The following ISX variants were observed in gnomAD, a reference collection of about 807,000 sequenced individuals.
ISX encodes intestine-specific homeobox.
Under a neutral mutation model 16.9 loss-of-function variants are expected in ISX, and 15 were observed. The ratio of observed to expected loss-of-function variants is 0.89; its 90% CI spans 0.59 to 1.36. The LOEUF (loss-of-function observed/expected upper bound fraction) is 1.36. Among genes scored for constraint, ISX ranks in the 40% most tolerant of loss-of-function variants. ISX has a pLI of 0.00. For synonymous variants in ISX, 125 were observed against 119.7 expected (o/e 1.04, Z -0.29); for missense variants, 316 against 306.1 (o/e 1.03, Z -0.24).
chr22:35,082,698 C>T, intron 3 of ISX, 29 bp downstream of exon 3: 2 of 1,611,816 alleles, frequency 1.2e-6, no homozygotes, highest in Non-Finnish European at 1.7e-6. Flanking sequence ...CAGCCCCCAG[C>T]CTCCATGCCC....
intron 2 of ISX, among the ~76,000 whole-genome samples, chr22:35,080,991 C>T (rs191619114): frequency 5.5e-4 from 83 of 152,290 alleles, no homozygotes; most frequent in East Asian, 3.7e-3. Context: ...TTTTCTGCAA[C>T]GCACTGCCTA....
chr22:35,066,982 T>C lies in ISX; in HGVS notation c.-106T>C. 1 of 740,500 alleles carries C rather than the reference T, an allele frequency of 1.4e-6. No individual in the cohort carries two copies. The highest frequency in any genetic ancestry group is 2.2e-6 in the Non-Finnish European group (1 of 446,708). The allele number at this position is 740,500 out of a possible 1,614,324, so 45.9% of individuals were successfully genotyped here. On this transcript the variant is annotated 5_prime_UTR_variant, in exon 2 of 5. Coordinates refer to ENST00000404699, the MANE Select transcript of ISX (RefSeq NM_001303508.2). ...TCATCTAACTGGAGGCTCTCTGTTC[T>C]TCACCTCCACGCGCCCTCTTGACCC...
intron 2 of ISX, among the ~76,000 whole-genome samples, chr22:35,070,271 G>C (rs361598): frequency 1.3e-5 from 2 of 152,008 alleles, no homozygotes; most frequent in Non-Finnish European, 2.9e-5. Context: ...GAAAATCCAA[G>C]AGGACTTCTT....
chr22:35,082,416 G>T lies in ISX; in HGVS notation c.230-102G>T, dbSNP rs115602661. ...TCAAGAAGCCAGGGGCCAAGGCTCG[G>T]GAGCAGCAGTGGGGTGGAAGGGTAG... On this transcript the variant is annotated intron_variant, in intron 2 of 4. Coordinates refer to ENST00000404699, the MANE Select transcript of ISX (RefSeq NM_001303508.2). The T allele has an allele frequency of 5.2e-6, 6 of 1,144,634 alleles. No individual in the cohort carries two copies. In the African/African-American group the frequency reaches 9.2e-5, roughly 18 times the overall value. 70.9% of individuals were successfully genotyped at this position (1,144,634 alleles called of 1,614,324 possible).
rs559730650 is a variant in ISX, at chr22:35,066,994, C to T, written c.-94C>T. 9.5e-5 allele frequency: 80 copies of T among 840,304 alleles called. No homozygotes were observed. Among genetic ancestry groups the T allele is most frequent in the South Asian group, 3.9e-4 (23 of 58,710 alleles). The allele number at this position is 840,304 out of a possible 1,614,324, so 52.1% of individuals were successfully genotyped here. On this transcript the variant is annotated 5_prime_UTR_variant, in exon 2 of 5. Coordinates refer to ENST00000404699, the MANE Select transcript of ISX (RefSeq NM_001303508.2). ...AGGCTCTCTGTTCTTCACCTCCACG[C>T]GCCCTCTTGACCCCAGGAGGTTCAG... is the stretch of plus-strand genomic sequence containing the variant.
At chr22:35,067,923 G>C (rs1281178167) in intron 2 of ISX, among the ~76,000 whole-genome samples, 2 of 152,188 alleles carry the variant, frequency 1.3e-5, no homozygotes, top group Non-Finnish European at 2.9e-5. Flanking sequence ...CCACCCCAAG[G>C]CATGTCCCCA....
At chr22:35,071,952 G>A (rs560922412) in intron 2 of ISX, among the ~76,000 whole-genome samples, 2 of 152,320 alleles carry the variant, frequency 1.3e-5, no homozygotes, top group East Asian at 3.9e-4. Flanking sequence ...GGCAGCCCTG[G>A]TTTGAGGCTG....
At chr22:35,067,923 G>T (rs1281178167) in intron 2 of ISX, among the ~76,000 whole-genome samples, 1 of 152,188 alleles carries the variant, frequency 6.6e-6, no homozygotes, top group South Asian at 2.1e-4. Context: ...CCACCCCAAG[G>T]CATGTCCCCA....
chr22:35,084,409 G>A lies in ISX; in HGVS notation c.408G>A (p.Lys136=), dbSNP rs952580129. 16 of 1,613,976 alleles carry A rather than the reference G, an allele frequency of 9.9e-6. No individual in the cohort carries two copies. The highest frequency in any genetic ancestry group is 5.0e-5 in the Admixed American group (3 of 60,000). Residue 136 remains lysine (K), a synonymous_variant, in exon 4 of 5, where the codon AAG becomes AAA. Transcript: ENST00000404699. The part of the protein sequence containing the change: ...VQIWFQNQRA[K]WRKQEKIGNL... ...TCTGGTTCCAGAATCAGCGAGCCAA[G>A]TGGCGGAAGCAGGAGAAGATTGGCA... is the stretch of plus-strand genomic sequence containing the variant.
intron 2 of ISX, among the ~76,000 whole-genome samples, chr22:35,079,164 T>G (rs1929062919): frequency 6.6e-6 from 1 of 152,210 alleles, no homozygotes; most frequent in South Asian, 2.1e-4. Context: ...TGAAATCTAT[T>G]TTTCACTGAG....
At chr22:35,078,467 T>TTA (rs1555913496) in intron 2 of ISX, among the ~76,000 whole-genome samples, 3 of 151,818 alleles carry the variant, frequency 2.0e-5, no homozygotes, top group Admixed American at 6.6e-5. Flanking sequence ...TATCTTTTTT[T>TTA]AAAAACCCAT....
chr22:35,082,390 C>A lies in ISX; in HGVS notation c.230-128C>A, dbSNP rs754885829. The A allele has an allele frequency of 4.7e-6, 4 of 851,628 alleles. No homozygotes were observed. The Admixed American group carries it at 6.8e-5, about 15-fold the overall frequency. The allele number at this position is 851,628 out of a possible 1,614,324, so 52.8% of individuals were successfully genotyped here. ...AAAGAGAATACTGTGAAGCTCCAAG[C>A]TCAAGAAGCCAGGGGCCAAGGCTCG... On this transcript the variant is annotated intron_variant, in intron 2 of 4. Coordinates refer to ENST00000404699, the MANE Select transcript of ISX (RefSeq NM_001303508.2).
Position 35,067,268 on chromosome 22 carries a change from G to GC in ISX, c.182dup (p.Ala62GlyfsTer31). 6.3e-7 allele frequency: 1 copy of GC among 1,596,298 alleles called. No individual in the cohort carries two copies. Among genetic ancestry groups the GC allele is most frequent in the East Asian group, 2.3e-5 (1 of 43,962 alleles). ...AGGTGAAGAGGGCCCCGGAGAAGCT[G>GC]CGGCCTCAGGCTCTGGGCTAGAAAA... On this transcript the variant is annotated frameshift_variant, in exon 2 of 5. Transcript: ENST00000404699. LOFTEE classifies it high-confidence loss of function.
intron 2 of ISX, among the ~76,000 whole-genome samples, chr22:35,067,725 G>A (rs1197770272): frequency 1.3e-5 from 2 of 152,182 alleles, no homozygotes; most frequent in Non-Finnish European, 2.9e-5. Context: ...TACACAGCTG[G>A]TAAACAGAAG....
intron 2 of ISX, among the ~76,000 whole-genome samples, chr22:35,079,969 C>A (rs1348838148): frequency 6.6e-6 from 1 of 152,162 alleles, no homozygotes; most frequent in Non-Finnish European, 1.5e-5. Flanking sequence ...GTTGAGTCTC[C>A]CATTCTGCCA....
At chr22:35,073,715 T>C (rs1457569675) in intron 2 of ISX, among the ~76,000 whole-genome samples, 2 of 152,132 alleles carry the variant, frequency 1.3e-5, no homozygotes, top group African/African-American at 2.4e-5. Context: ...GCATTCCACA[T>C]GGAGGGAGCC....
intron 2 of ISX, among the ~76,000 whole-genome samples, chr22:35,074,360 C>T (rs1601557835): frequency 6.6e-6 from 1 of 152,338 alleles, no homozygotes; most frequent in Admixed American, 6.5e-5. Flanking sequence ...CTTCATCTTG[C>T]TGTTCCCCTT....
At chr22:35,066,705 A>C (rs1480835565) in intron 1 of ISX, 47 bp from the exon 2 acceptor site, 3 of 195,232 alleles carry the variant, frequency 1.5e-5, no homozygotes, top group African/African-American at 2.3e-5. Context: ...CCTGTGCCTT[A>C]TTGTTTCTCC....
At chr22:35,084,287 A>C in intron 3 of ISX, 96 bp from the exon 4 acceptor site, 2 of 789,104 alleles carry the variant, frequency 2.5e-6, no homozygotes, top group Middle Eastern at 4.7e-4. Flanking sequence ...TATAAAGTAC[A>C]GTCCCTTGGA....
Sources: gnomAD v4.1 joint callset for allele counts (sites outside exome capture counted in the v4.1 genomes callset) on GRCh38, gnomAD v4.1.1 for gene constraint, MANE v1.5 for transcripts, NCBI Gene and HGNC (gene_info 2026-07-23, HGNC 2026-07-21) for gene names.